The following VPS13B variants were observed in gnomAD, a reference collection of about 807,000 sequenced individuals.
The protein encoded by VPS13B is vacuolar protein sorting 13 homolog B, also known as intermembrane lipid transfer protein VPS13B.
A neutral mutation model predicts 426.4 loss-of-function variants in VPS13B; 285 were observed. The observed-to-expected ratio is 0.67, with a 90% CI of 0.61 to 0.74. The LOEUF (loss-of-function observed/expected upper bound fraction) is 0.74. VPS13B is among the 30% of genes least tolerant of loss of function. VPS13B has a pLI of 0.00. For synonymous variants in VPS13B, 1,676 were observed against 1,676.4 expected, an observed-to-expected ratio of 1.00 and a Z score of 0.01; for missense variants, 4,537 against 4,782.6, an observed-to-expected ratio of 0.95 and a Z score of 1.51.
intron 17 of VPS13B, among the ~76,000 whole-genome samples, chr8:99,219,623 AGAGT>A (rs1815586493): frequency 6.6e-6 from 1 of 152,210 alleles, no homozygotes; most frequent in South Asian, 2.1e-4. Context: ...AAAGGCAAAG[AGAGT>A]GAGTGAGTGT....
At chr8:99,589,150 A>C (rs897684981) in intron 33 of VPS13B, among the ~76,000 whole-genome samples, 12 of 151,848 alleles carry the variant, frequency 7.9e-5, no homozygotes, top group Admixed American at 7.9e-4. Flanking sequence ...GATGAAGCAG[A>C]CTTGATCATG....
intron 51 of VPS13B, among the ~76,000 whole-genome samples, chr8:99,828,675 G>A (rs1814871720): frequency 6.6e-6 from 1 of 151,922 alleles, no homozygotes; most frequent in Admixed American, 6.6e-5. Context: ...ATTAGTTGGT[G>A]CAGTTTTTTC....
At chr8:99,246,236 T>C (rs1180616196) in intron 17 of VPS13B, among the ~76,000 whole-genome samples, 1 of 152,204 alleles carries the variant, frequency 6.6e-6, no homozygotes, top group Admixed American at 6.5e-5. Flanking sequence ...TATGCTGACC[T>C]TCAGGCCCTA....
intron 15 of VPS13B, among the ~76,000 whole-genome samples, chr8:99,161,721 T>G (rs1341155211): frequency 6.6e-6 from 1 of 150,574 alleles, no homozygotes; most frequent in African/African-American, 2.4e-5. Context: ...TGGTGTTAAG[T>G]GTACTAAATC....
intron 2 of VPS13B, among the ~76,000 whole-genome samples, chr8:99,015,828 G>T (rs922343894): frequency 6.6e-6 from 1 of 152,010 alleles, no homozygotes; most frequent in African/African-American, 2.4e-5. Context: ...GCTTGAACCC[G>T]GGAGGTGGAG....
intron 30 of VPS13B, among the ~76,000 whole-genome samples, chr8:99,542,362 G>A (rs771818260): frequency 2.0e-5 from 3 of 152,118 alleles, no homozygotes; most frequent in Non-Finnish European, 4.4e-5. Context: ...GAGGTTTCTT[G>A]GTGCTATAGT....
chr8:99,786,432 T>G (rs903709355), intron 43 of VPS13B, among the ~76,000 whole-genome samples: 1 of 152,112 alleles, frequency 6.6e-6, no homozygotes, highest in Admixed American at 6.6e-5. Flanking sequence ...CTCACTCCCC[T>G]AGGTTTTGGC....
At chr8:99,872,043 A>C (rs559607467) in intron 61 of VPS13B, among the ~76,000 whole-genome samples, 1 of 152,206 alleles carries the variant, frequency 6.6e-6, no homozygotes. Flanking sequence ...ATGGAGTTAC[A>C]AAACGAGTGG....
intron 19 of VPS13B, among the ~76,000 whole-genome samples, chr8:99,359,181 C>T (rs545996431): frequency 6.6e-6 from 1 of 152,132 alleles, no homozygotes; most frequent in African/African-American, 2.4e-5. Context: ...TTGCCAGTAA[C>T]CTTAAAACAC....
At chr8:99,695,442 G>A (rs1366762573) in intron 35 of VPS13B, among the ~76,000 whole-genome samples, 69 of 148,348 alleles carry the variant, frequency 4.7e-4, no homozygotes, top group Non-Finnish European at 8.0e-4. Flanking sequence ...GTAAACTATC[G>A]CAAGAACAAA....
chr8:99,358,451 T>C (rs950763076), intron 19 of VPS13B, among the ~76,000 whole-genome samples: 2 of 152,206 alleles, frequency 1.3e-5, no homozygotes, highest in Non-Finnish European at 2.9e-5. Context: ...CATCTGACAG[T>C]AGTGTAAAGA....
At chr8:99,190,833 CT>C (rs1014043764) in intron 16 of VPS13B, among the ~76,000 whole-genome samples, 7 of 148,856 alleles carry the variant, frequency 4.7e-5, no homozygotes, top group Admixed American at 1.3e-4. Context: ...CTTTCTTCTT[CT>C]TTTTTTTTTA....
At chr8:99,640,217 A>G (rs1277648385) in intron 33 of VPS13B, among the ~76,000 whole-genome samples, 1 of 152,012 alleles carries the variant, frequency 6.6e-6, no homozygotes, top group African/African-American at 2.4e-5. Context: ...GACAATATTC[A>G]GTAACTTTAA....
rs771659441 is a variant in VPS13B at position 99,818,710 on chromosome 8, T to C, written c.8446-3T>C. On this transcript the variant is annotated splice_region_variant and splice_polypyrimidine_tract_variant and intron_variant, in intron 46 of 61. Transcript: ENST00000357162. The stretch of plus-strand genomic sequence containing the variant: ...AAGTTGTTCTATCCTTTTATTTTTA[T>C]AGATTGTGTTCAGCCCTCTTTTTAT... The C allele has an allele frequency of 2.5e-6, 4 of 1,613,620 alleles. No individual in the cohort carries two copies. The highest frequency in any genetic ancestry group is 2.7e-5 in the African/African-American group (2 of 74,912).
intron 33 of VPS13B, among the ~76,000 whole-genome samples, chr8:99,625,019 T>G (rs1057268417): frequency 6.6e-6 from 1 of 151,906 alleles, no homozygotes; most frequent in African/African-American, 2.4e-5. Context: ...GAGACGGAGT[T>G]TCTCCATGTT....
intron 33 of VPS13B, among the ~76,000 whole-genome samples, chr8:99,590,815 G>C (rs530791361): frequency 1.3e-5 from 2 of 152,248 alleles, no homozygotes; most frequent in South Asian, 4.2e-4. Context: ...ATATTCGGTT[G>C]ATTTGGGGTG....
Position 99,733,993 on chromosome 8 carries a change from A to G in VPS13B, c.7050+12946A>G, listed in dbSNP as rs186760860. Among the ~76,000 whole-genome samples the G allele has an allele frequency of 9.2e-4, 140 of 152,328 alleles. 2 individuals carry two copies. Among genetic ancestry groups the G allele is most frequent in the African/African-American group, 3.3e-3 (138 of 41,586 alleles). ...GGAATATTTTTATCACCTCAAAAAG[A>G]AACTTAGGACTCTTTAGCTTTCACC... On this transcript the variant is annotated intron_variant, in intron 39 of 61. Transcript: ENST00000357162.
intron 33 of VPS13B, among the ~76,000 whole-genome samples, chr8:99,604,195 G>A (rs192608764): frequency 2.0e-5 from 3 of 152,116 alleles, no homozygotes; most frequent in Admixed American, 2.0e-4. Flanking sequence ...TATTAGAATG[G>A]TCTTAGATTT....
chr8:99,128,812 CA>C (rs1272254912), intron 8 of VPS13B, among the ~76,000 whole-genome samples: 1 of 151,948 alleles, frequency 6.6e-6, no homozygotes, highest in Non-Finnish European at 1.5e-5. Context: ...TAAAGCTACA[CA>C]ATTTATAACT....
Sources: gnomAD v4.1 joint callset for allele counts (sites outside exome capture counted in the v4.1 genomes callset) on GRCh38, gnomAD v4.1.1 for gene constraint, MANE v1.5 for transcripts, NCBI Gene and HGNC (gene_info 2026-07-23, HGNC 2026-07-21) for gene names.